CCDC171: variants seen among roughly 807,000 people sequenced by gnomAD.
CCDC171 encodes the protein coiled-coil domain containing 171, also known as coiled-coil domain-containing protein 171.
A neutral mutation model predicts 168.2 loss-of-function variants in CCDC171; 177 were observed. That is an observed-to-expected ratio of 1.05 (90% CI 0.93 to 1.19). CCDC171 has a LOEUF of 1.19. Among genes scored for constraint, CCDC171 ranks in the 50% most tolerant of loss-of-function variants. The probability of loss-of-function intolerance (pLI) is 0.00; values close to 1 mark genes in which losing one functional copy is unlikely to be tolerated. For missense variants in CCDC171, 1,991 were observed against 1,539.0 expected (o/e 1.29, Z -4.91); for synonymous variants, 687 against 540.8 (o/e 1.27, Z -3.75).
chr9:15,601,014 A>T (rs1564022862), intron 6 of CCDC171, among the ~76,000 whole-genome samples: 1 of 152,022 alleles, frequency 6.6e-6, no homozygotes, highest in African/African-American at 2.4e-5. Context: ...GAGTGACCCG[A>T]TTTACAGGTG....
intron 25 of CCDC171, among the ~76,000 whole-genome samples, chr9:15,924,149 G>C (rs897849933): frequency 6.6e-6 from 1 of 151,458 alleles, no homozygotes; most frequent in Non-Finnish European, 1.5e-5. Context: ...ACAGATTTCT[G>C]CTTATGTTCC....
At chr9:15,860,092 T>C (rs942212779) in intron 23 of CCDC171, among the ~76,000 whole-genome samples, 6 of 151,880 alleles carry the variant, frequency 4.0e-5, no homozygotes, top group African/African-American at 1.2e-4. Flanking sequence ...TAGTAGTCTC[T>C]CATGATTCTT....
chr9:15,641,051 C>T (rs947491919), intron 7 of CCDC171, among the ~76,000 whole-genome samples: 5 of 148,492 alleles, frequency 3.4e-5, no homozygotes. Flanking sequence ...TAGAATTAAT[C>T]AGTCTATGAT....
At chr9:15,797,717 T>C (rs976755987) in intron 21 of CCDC171, among the ~76,000 whole-genome samples, 14 of 152,314 alleles carry the variant, frequency 9.2e-5, no homozygotes, top group Admixed American at 4.6e-4. Flanking sequence ...CTTTTATTGT[T>C]GTAGTTGATC....
At chr9:16,069,931 C>T in the CCDC171 span, among the ~76,000 whole-genome samples, 2 of 152,144 alleles carry the variant, frequency 1.3e-5, no homozygotes, top group African/African-American at 4.8e-5. Context: ...CAGGGCTCCC[C>T]CTCCCATAGC....
chr9:15,667,309 T>C (rs2048801403), intron 9 of CCDC171, among the ~76,000 whole-genome samples: 2 of 152,200 alleles, frequency 1.3e-5, no homozygotes, highest in African/African-American at 4.8e-5. Flanking sequence ...GGCAAGTAGA[T>C]AATGGTTTTC....
intron 3 of CCDC171, among the ~76,000 whole-genome samples, chr9:15,997,005 G>T (rs992208050): frequency 6.6e-6 from 1 of 152,126 alleles, no homozygotes; most frequent in Non-Finnish European, 1.5e-5. Flanking sequence ...ATTTGTGTCA[G>T]TTTGGGTCAT....
intron 7 of CCDC171, among the ~76,000 whole-genome samples, chr9:15,638,120 C>T (rs992128185): frequency 6.6e-6 from 1 of 152,110 alleles, no homozygotes; most frequent in Non-Finnish European, 1.5e-5. Context: ...TACCAGGTCT[C>T]TGCTTTTGGA....
intron 25 of CCDC171, among the ~76,000 whole-genome samples, chr9:15,946,340 A>G (rs2132378681): frequency 6.6e-6 from 1 of 152,182 alleles, no homozygotes; most frequent in East Asian, 2.0e-4. Flanking sequence ...TACAAAATCA[A>G]TGTGCAAAAA....
intron 6 of CCDC171, among the ~76,000 whole-genome samples, chr9:15,598,696 G>C (rs2042580296): frequency 6.6e-6 from 1 of 152,020 alleles, no homozygotes. Context: ...TCAATTCCTG[G>C]ATATCCTTGT....
intron 3 of CCDC171, among the ~76,000 whole-genome samples, chr9:16,001,403 T>C (rs1349990353): frequency 6.6e-6 from 1 of 152,052 alleles, no homozygotes; most frequent in Non-Finnish European, 1.5e-5. Context: ...TATGTATGTG[T>C]GTGTGTGTGT....
intron 7 of CCDC171, among the ~76,000 whole-genome samples, chr9:15,636,417 A>T (rs1028314390): frequency 2.0e-5 from 3 of 152,128 alleles, no homozygotes; most frequent in Admixed American, 1.3e-4. Context: ...ATTTTATATC[A>T]TCATTTTTAA....
In CCDC171 at chr9:15,972,405, T is replaced by C. The variant is rs952697435; in HGVS notation, c.*569T>C. ...GCACAATAATGTCACTCCTGGTCAA[T>C]GTGAGAAGGTCAGGTTGCTCCTTGT... On this transcript the variant is annotated 3_prime_UTR_variant, in exon 26 of 26. Transcript: ENST00000380701. 9 of 152,924 alleles carry C rather than the reference T, an allele frequency of 5.9e-5. No individual in the cohort carries two copies. Among genetic ancestry groups the C allele is most frequent in the African/African-American group, 2.2e-4 (9 of 41,460 alleles). 9.5% of individuals were successfully genotyped at this position (152,924 alleles called of 1,614,324 possible). A position where few individuals can be genotyped will look rare whatever the true frequency, so the allele number is the denominator to read the frequency against.
At chr9:15,964,996 C>T (rs927023795) in intron 25 of CCDC171, among the ~76,000 whole-genome samples, 3 of 152,144 alleles carry the variant, frequency 2.0e-5, no homozygotes, top group Non-Finnish European at 4.4e-5. Context: ...CTCGTGACTT[C>T]AGGTGATCTT....
intron 21 of CCDC171, among the ~76,000 whole-genome samples, chr9:15,804,462 CT>C (rs34512340): frequency 2.6e-4 from 38 of 147,870 alleles, no homozygotes; most frequent in South Asian, 4.3e-4. Flanking sequence ...TATCGAAGGC[CT>C]TTTTTTTTTG....
intron 21 of CCDC171, among the ~76,000 whole-genome samples, chr9:15,844,650 C>T (rs773960416): frequency 1.3e-5 from 2 of 151,936 alleles, no homozygotes; most frequent in Non-Finnish European, 1.5e-5. Context: ...CTTTTTGTTT[C>T]TTTTCTATGC....
chr9:16,070,427 T>C, the CCDC171 span, among the ~76,000 whole-genome samples: 1 of 152,236 alleles, frequency 6.6e-6, no homozygotes, highest in Non-Finnish European at 1.5e-5. Flanking sequence ...AGGGAGGACC[T>C]GGCTCTCACA....
At chr9:16,034,975 C>G (rs1042902852) in intron 6 of CCDC171, among the ~76,000 whole-genome samples, 1 of 152,160 alleles carries the variant, frequency 6.6e-6, no homozygotes, top group Non-Finnish European at 1.5e-5. Context: ...AAACACAGTT[C>G]CAAATTGAGT....
the CCDC171 span, among the ~76,000 whole-genome samples, chr9:16,098,550 A>G: frequency 1.3e-5 from 2 of 152,242 alleles, no homozygotes; most frequent in Admixed American, 1.3e-4. Flanking sequence ...TGGCATATGT[A>G]CAATGGGCTG....
Sources: allele counts gnomAD v4.1 joint callset (sites outside exome capture counted in the v4.1 genomes callset), GRCh38; gene constraint gnomAD v4.1.1; transcripts MANE v1.5; gene names NCBI Gene and HGNC (gene_info 2026-07-23, HGNC 2026-07-21).